The following CDH13 variants were observed in gnomAD, a reference collection of about 807,000 sequenced individuals.
CDH13 encodes the protein cadherin-13.
In CDH13, 24 loss-of-function variants were observed where a neutral mutation model predicts 63.8. The observed-to-expected ratio is 0.38, with a 90% confidence interval of 0.27 to 0.53. The LOEUF (loss-of-function observed/expected upper bound fraction) is 0.53. Ranked by LOEUF, CDH13 falls within the 20% of genes least tolerant of loss-of-function variation. The pLI is 0.85. For synonymous variants in CDH13, 503 were observed against 355.3 expected (o/e 1.42, Z -4.67); for missense variants, 1,049 against 903.1 (o/e 1.16, Z -2.07).
At chr16:82,747,334 TTTAAAG>T (rs1367721094) in intron 1 of CDH13, among the ~76,000 whole-genome samples, 11 of 152,318 alleles carry the variant, frequency 7.2e-5, no homozygotes, top group Middle Eastern at 3.4e-3. Flanking sequence ...GTTTGAGGTG[TTTAAAG>T]TTAAAGTATG....
intron 8 of CDH13, among the ~76,000 whole-genome samples, chr16:83,613,597 C>T (rs1251054989): frequency 6.6e-6 from 1 of 152,114 alleles, no homozygotes; most frequent in African/African-American, 2.4e-5. Flanking sequence ...CTTTGGGAGA[C>T]CGGTGGGCAG....
chr16:83,690,817 G>A (rs1380084893), intron 10 of CDH13, among the ~76,000 whole-genome samples: 3 of 152,078 alleles, frequency 2.0e-5, no homozygotes, highest in Admixed American at 6.6e-5. Context: ...TGCCTCCCAG[G>A]TGCCAGTGAT....
chr16:82,701,092 G>C (rs1489334690), intron 1 of CDH13, among the ~76,000 whole-genome samples: 2 of 151,470 alleles, frequency 1.3e-5, no homozygotes, highest in Non-Finnish European at 1.5e-5. Context: ...TCTCATTGCA[G>C]CTAATGACAT....
intron 4 of CDH13, among the ~76,000 whole-genome samples, chr16:83,139,834 C>A (rs1462340918): frequency 1.3e-5 from 2 of 152,074 alleles, no homozygotes; most frequent in African/African-American, 4.8e-5. Flanking sequence ...GAAACCCCAT[C>A]TCTACTAAAA....
intron 10 of CDH13, among the ~76,000 whole-genome samples, chr16:83,711,458 A>G (rs985988613): frequency 2.6e-5 from 4 of 152,056 alleles, no homozygotes; most frequent in African/African-American, 9.7e-5. Context: ...ACTGGCTAGC[A>G]TGTGTGTGGT....
intron 6 of CDH13, among the ~76,000 whole-genome samples, chr16:83,476,183 C>T (rs918007051): frequency 6.6e-6 from 1 of 152,142 alleles, no homozygotes; most frequent in Non-Finnish European, 1.5e-5. Flanking sequence ...ATTCTGGTGC[C>T]TTTGAACATT....
At chr16:83,325,680 C>A (rs76598341) in intron 5 of CDH13, among the ~76,000 whole-genome samples, 11,879 of 152,188 alleles carry the variant, frequency 0.078, 651 homozygotes, top group Non-Finnish European at 0.12. Flanking sequence ...TACTTGATAC[C>A]TTCACGCTCT....
chr16:83,191,464 T>G (rs11862873), intron 4 of CDH13, among the ~76,000 whole-genome samples: 14,655 of 92,284 alleles, frequency 0.16, 1,179 homozygotes, highest in African/African-American at 0.3. Context: ...AGGAAATATA[T>G]ATATATATAT....
At chr16:83,317,926 G>A (rs1038323727) in intron 5 of CDH13, among the ~76,000 whole-genome samples, 14 of 152,152 alleles carry the variant, frequency 9.2e-5, no homozygotes, top group Non-Finnish European at 1.8e-4. Flanking sequence ...ACAGGGCGGG[G>A]ACTAGCACCC....
At chr16:83,161,932 T>C (rs2037464696) in intron 4 of CDH13, among the ~76,000 whole-genome samples, 1 of 152,224 alleles carries the variant, frequency 6.6e-6, no homozygotes, top group African/African-American at 2.4e-5. Context: ...TCATTATTCA[T>C]GTAACTCTCT....
At chr16:83,242,599 T>C (rs1273283894) in intron 5 of CDH13, among the ~76,000 whole-genome samples, 1 of 152,146 alleles carries the variant, frequency 6.6e-6, no homozygotes, top group East Asian at 1.9e-4. Context: ...ACTTGCAAGA[T>C]TGAAGAAGGC....
intron 4 of CDH13, among the ~76,000 whole-genome samples, chr16:83,179,798 A>G (rs1328137004): frequency 1.3e-5 from 2 of 152,194 alleles, no homozygotes; most frequent in African/African-American, 4.8e-5. Context: ...TTAGGATAAA[A>G]TACAAATGAC....
intron 7 of CDH13, among the ~76,000 whole-genome samples, chr16:83,562,641 C>T (rs1567766180): frequency 6.6e-6 from 1 of 152,208 alleles, no homozygotes; most frequent in Admixed American, 6.5e-5. Context: ...CATGAACCTT[C>T]AACCTTCATG....
Position 83,768,197 on chromosome 16 carries a change from T to A in CDH13, c.1682-11771T>A, listed in dbSNP as rs768565854. Among the ~76,000 whole-genome samples the A allele has an allele frequency of 6.2e-4, 95 of 152,210 alleles. 2 individuals carry two copies. Among genetic ancestry groups the A allele is most frequent in the Non-Finnish European group, 2.1e-4 (14 of 68,030 alleles). On this transcript the variant is annotated intron_variant, in intron 11 of 13. Coordinates refer to ENST00000567109, the MANE Select transcript of CDH13 (RefSeq NM_001257.5). ...AGATTTTTAAATTAGGATCACACTA[T>A]GTTTTTAGTTATGTCTATTAATGAC...
At chr16:83,451,775 C>G (rs369534192) in intron 6 of CDH13, among the ~76,000 whole-genome samples, 4 of 152,226 alleles carry the variant, frequency 2.6e-5, no homozygotes, top group African/African-American at 9.6e-5. Context: ...ATCTTGGCCT[C>G]GCAAAGTGCT....
chr16:83,269,033 A>G (rs2088714117), intron 5 of CDH13, among the ~76,000 whole-genome samples: 1 of 152,212 alleles, frequency 6.6e-6, no homozygotes, highest in African/African-American at 2.4e-5. Flanking sequence ...GCAATCAACT[A>G]CATCTGTAAA....
intron 3 of CDH13, among the ~76,000 whole-genome samples, 152 bp from the exon 4 acceptor site, chr16:83,125,233 T>C (rs542766110): frequency 5.9e-5 from 9 of 152,356 alleles, no homozygotes; most frequent in African/African-American, 1.7e-4. Context: ...ATTCTAGTAA[T>C]GTACTTGGTA....
At chr16:83,097,288 A>T (rs2034254128) in intron 3 of CDH13, among the ~76,000 whole-genome samples, 1 of 152,204 alleles carries the variant, frequency 6.6e-6, no homozygotes, top group Non-Finnish European at 1.5e-5. Context: ...CATTGTCTCT[A>T]ATCTGTTATA....
intron 10 of CDH13, among the ~76,000 whole-genome samples, chr16:83,724,751 G>A (rs143530776): frequency 3.2e-4 from 48 of 152,260 alleles, no homozygotes; most frequent in Non-Finnish European, 5.7e-4. Context: ...CAGTGTCAGC[G>A]TCAGGAGCAA....
Sources: gnomAD v4.1 joint callset for allele counts (sites outside exome capture counted in the v4.1 genomes callset) on GRCh38, gnomAD v4.1.1 for gene constraint, MANE v1.5 for transcripts, NCBI Gene and HGNC (gene_info 2026-07-23, HGNC 2026-07-21) for gene names.